COASY: variants seen among roughly 807,000 people sequenced by gnomAD.
COASY encodes Coenzyme A synthase.
Under a neutral mutation model 49.4 loss-of-function variants are expected in COASY, and 31 were observed. The observed-to-expected ratio is 0.63, with a 90% CI of 0.47 to 0.85. The LOEUF (loss-of-function observed/expected upper bound fraction) is 0.85. COASY is among the 40% of genes least tolerant of loss of function. The pLI is 0.00. For synonymous variants in COASY, 285 were observed against 310.9 expected (o/e 0.92, Z 0.88); for missense variants, 730 against 734.1 (o/e 0.99, Z 0.06).
At position 42,562,658 on chromosome 17, in the gene COASY, G is replaced by C; in HGVS notation, c.36G>C (p.Thr12=). The change falls in exon 1 of 9, where the codon ACG becomes ACC. Residue 12 remains threonine, a synonymous_variant. Coordinates refer to ENST00000393818, the MANE Select transcript of COASY (RefSeq NM_025233.7). ...TCCGGTCGGGTCTCCTGGTGCTGACGACGCCGCTGGCCTCCCTAGCCCCTC... is the reference window on the plus strand; with the variant it reads ...TCCGGTCGGGTCTCCTGGTGCTGACCACGCCGCTGGCCTCCCTAGCCCCTC... ...AVFRSGLLVL[T]TPLASLAPRL... is the part of the protein sequence containing the mutation. The C allele has an allele frequency of 6.6e-7, 1 of 1,522,350 alleles. No individual in the cohort carries two copies. The highest frequency in any genetic ancestry group is 1.8e-4 in the Middle Eastern group (1 of 5,678). 94.3% of individuals were successfully genotyped at this position (1,522,350 alleles called of 1,614,324 possible).
chr17:42,562,471 TC>T lies in COASY; in HGVS notation c.-147del, dbSNP rs758442645. ...GCGCCGTCTACCAGGCCCCGTCCCC[TC>T]CCCCGGCTCCTGTCGGTCAGCACTG... On this transcript the variant is annotated 5_prime_UTR_variant, in exon 1 of 9. The change abolishes the stop of an existing upstream ORF in the 5' untranslated region. Transcript: ENST00000393818. 12 of 1,613,260 alleles carry T rather than the reference TC, an allele frequency of 7.4e-6. No homozygotes were observed. The highest frequency in any genetic ancestry group is 1.0e-5 in the Non-Finnish European group (12 of 1,179,646).
chr17:42,564,469 C>T lies in COASY; in HGVS notation c.939C>T (p.Tyr313=). 2 of 1,613,658 alleles carry T rather than the reference C, an allele frequency of 1.2e-6. No homozygotes were observed. The highest frequency in any genetic ancestry group is 1.7e-6 in the Non-Finnish European group (2 of 1,179,746). ...LENDLEELAL[Y]QIQLLKDLRH... is the part of the protein sequence containing the mutation. Reference sequence around the variant, plus strand: ...AGGACCTGGAGGAACTTGCTTTGTACCAGATCCAGCTGCTGAAGGACCTCA... The same window carrying T: ...AGGACCTGGAGGAACTTGCTTTGTATCAGATCCAGCTGCTGAAGGACCTCA... The change falls in exon 3 of 9, where the codon TAC becomes TAT. Residue 313 remains tyrosine, a synonymous_variant. Coordinates refer to ENST00000393818, the MANE Select transcript of COASY (RefSeq NM_025233.7).
At position 42,563,052 on chromosome 17, in the gene COASY, T is replaced by TG. The variant is rs769511957; in HGVS notation, c.431dup (p.Cys144TrpfsTer58). ...TTACGCCACCAGCTGTTACAGCTGT[T>TG]GTCCGCGACTGGCCTCGGTGCTGCT... is the stretch of plus-strand genomic sequence containing the variant. On this transcript the variant is annotated frameshift_variant, in exon 1 of 9. Coordinates refer to ENST00000393818, the MANE Select transcript of COASY (RefSeq NM_025233.7). LOFTEE classifies it high-confidence loss of function. The TG allele has an allele frequency of 6.2e-7, 1 of 1,614,174 alleles. No homozygotes were observed. The highest frequency in any genetic ancestry group is 8.5e-7 in the Non-Finnish European group (1 of 1,180,020).
chr17:42,565,396 G>C (rs887953754), intron 6 of COASY, 75 bp from the exon 7 acceptor site: 1 of 1,606,646 alleles, frequency 6.2e-7, no homozygotes, highest in African/African-American at 1.3e-5. Context: ...ACGTGGGACT[G>C]TCTGTTCACC....
Position 42,563,139 on chromosome 17 carries a change from A to G in COASY, c.517A>G (p.Thr173Ala). 1 of 1,613,776 alleles carries G rather than the reference A, an allele frequency of 6.2e-7. No homozygotes were observed. The highest frequency in any genetic ancestry group is 8.5e-7 in the Non-Finnish European group (1 of 1,179,890). The change falls in exon 1 of 9, where the codon ACG (threonine) becomes GCG (alanine). Residue 173 changes from threonine to alanine, a missense_variant. Thr to Ala is a moderately conservative substitution (Grantham distance 58). Coordinates refer to ENST00000393818, the MANE Select transcript of COASY (RefSeq NM_025233.7). ...VEPLDVPLPS[T>A]IRPASPVAGS... ...GCCCCTGGATGTCCCCTTACCCTCCACGATCAGGCCAGCTTCCCCCGTGGC... is the reference window on the plus strand; with the variant it reads ...GCCCCTGGATGTCCCCTTACCCTCCGCGATCAGGCCAGCTTCCCCCGTGGC...
At position 42,564,161 on chromosome 17, in the gene COASY, T is replaced by A. The variant is rs775245472; in HGVS notation, c.901T>A (p.Phe301Ile). 6.2e-7 allele frequency: 1 copy of A among 1,614,016 alleles called. No homozygotes were observed. Among genetic ancestry groups the A allele is most frequent in the East Asian group, 2.2e-5 (1 of 44,880 alleles). The change falls in exon 2 of 9, where the codon TTC becomes ATC. Residue 301 changes from phenylalanine (F) to isoleucine (I), a missense_variant. Physicochemically the swap from Phe to Ile is conservative, Grantham distance 21. Transcript: ENST00000393818. ...TYRGGMAINRFRLENDLEELA... is the reference protein window; with the variant it reads ...TYRGGMAINRIRLENDLEELA... Reference sequence around the variant, plus strand: ...TCGTGGGGGGATGGCCATCAACCGCTTCCGCCTTGAGAATGTAACCCCTGA... The same window carrying A: ...TCGTGGGGGGATGGCCATCAACCGCATCCGCCTTGAGAATGTAACCCCTGA...
In COASY at chr17:42,564,594, C is replaced by G. The variant is rs1239213097; in HGVS notation, c.1047+17C>G. The G allele has an allele frequency of 6.2e-7, 1 of 1,600,354 alleles. No individual in the cohort carries two copies. Among genetic ancestry groups the G allele is most frequent in the Non-Finnish European group, 8.5e-7 (1 of 1,172,510 alleles). ...CCTCCATATGTAAGCTCCTCTCCCTCCTTCCCTCCTGCTTGGTGTCCTGGC... is the reference window on the plus strand; with the variant it reads ...CCTCCATATGTAAGCTCCTCTCCCTGCTTCCCTCCTGCTTGGTGTCCTGGC... On this transcript the variant is annotated intron_variant, in intron 3 of 8. Transcript: ENST00000393818.
rs377161549 is a variant in COASY, at chr17:42,563,957, C to T, written c.701-4C>T. The T allele has an allele frequency of 6.3e-7, 1 of 1,596,778 alleles. No individual in the cohort carries two copies. The highest frequency in any genetic ancestry group is 8.6e-7 in the Non-Finnish European group (1 of 1,169,074). On this transcript the variant is annotated splice_polypyrimidine_tract_variant and splice_region_variant and intron_variant, in intron 1 of 8. Coordinates refer to ENST00000393818, the MANE Select transcript of COASY (RefSeq NM_025233.7). ...CTCACTGTTCTTCTGGGCTCCTTCC[C>T]CAGGCAAGTTGCTCCCTGAGCTGCT...
At position 42,564,038 on chromosome 17, in the gene COASY, C is replaced by T. The variant is rs756141692; in HGVS notation, c.778C>T (p.Pro260Ser). The T allele has an allele frequency of 1.9e-5, 30 of 1,613,992 alleles. No homozygotes were observed. Among genetic ancestry groups the T allele is most frequent in the Admixed American group, 6.7e-5 (4 of 59,980 alleles). ...GAGTGAATTCCTGGTGGACATCAAG[C>T]CCTCCTTGACTTTTGATGTCATCCC... ...HLSEFLVDIK[P>S]SLTFDVIPLL... Residue 260 changes from proline to serine, a missense_variant, in exon 2 of 9, where the codon CCC becomes TCC. Transcript: ENST00000393818.
rs949597584 is a variant in COASY at position 42,562,597 on chromosome 17, C to T, written c.-26C>T. The T allele has an allele frequency of 6.5e-7, 1 of 1,541,038 alleles. No individual in the cohort carries two copies. The highest frequency in any genetic ancestry group is 8.7e-7 in the Non-Finnish European group (1 of 1,148,090). Reference sequence around the variant, plus strand: ...CCTTCAGTCACCGTCGCCTCGTCTCCCTGACTGTCCGCAGGCCTGGGCAGC... The same window carrying T: ...CCTTCAGTCACCGTCGCCTCGTCTCTCTGACTGTCCGCAGGCCTGGGCAGC... On this transcript the variant is annotated 5_prime_UTR_variant, in exon 1 of 9. Transcript: ENST00000393818.
intron 2 of COASY, 102 bp downstream of exon 2, chr17:42,564,277 G>A (rs751957332): frequency 1.4e-6 from 2 of 1,455,110 alleles, no homozygotes; most frequent in Non-Finnish European, 1.9e-6. Context: ...AGAGAAGTGG[G>A]GGCTCAGGGT....
At position 42,564,066 on chromosome 17, in the gene COASY, T is replaced by TG. The variant is rs1009150787; in HGVS notation, c.807dup (p.Leu270AlafsTer10). 2 of 1,614,050 alleles carry TG rather than the reference T, an allele frequency of 1.2e-6. No individual in the cohort carries two copies. The highest frequency in any genetic ancestry group is 1.7e-6 in the Non-Finnish European group (2 of 1,180,026). ...TCCTTGACTTTTGATGTCATCCCCC[T>TG]GCTGGACCCCTATGGGCCCGCTGGC... On this transcript the variant is annotated frameshift_variant, in exon 2 of 9. Transcript: ENST00000393818. LOFTEE classifies it high-confidence loss of function.
Position 42,564,144 on chromosome 17 carries a change from G to T in COASY, c.884G>T (p.Gly295Val). ...GTCAGCGAGGAGACCTATCGTGGGG[G>T]GATGGCCATCAACCGCTTCCGCCTT... Reference protein sequence around the residue: ...LVVSEETYRGGMAINRFRLEN... With the variant: ...LVVSEETYRGVMAINRFRLEN... The change falls in exon 2 of 9, where the codon GGG (glycine) becomes GTG (valine). Residue 295 changes from glycine to valine, a missense_variant. Gly to Val is a moderately radical substitution (Grantham distance 109). Coordinates refer to ENST00000393818, the MANE Select transcript of COASY (RefSeq NM_025233.7). 1 of 1,614,114 alleles carries T rather than the reference G, an allele frequency of 6.2e-7. No homozygotes were observed. Among genetic ancestry groups the T allele is most frequent in the South Asian group, 1.1e-5 (1 of 91,082 alleles).
Position 42,564,479 on chromosome 17 carries a change from C to G in COASY, c.949C>G (p.Leu317Val). The stretch of plus-strand genomic sequence containing the variant: ...GGAACTTGCTTTGTACCAGATCCAG[C>G]TGCTGAAGGACCTCAGACATACAGA... Reference protein sequence around the residue: ...LEELALYQIQLLKDLRHTENE... With the variant: ...LEELALYQIQVLKDLRHTENE... The change falls in exon 3 of 9, where the codon CTG (leucine) becomes GTG (valine). Residue 317 changes from leucine to valine, a missense_variant. Physicochemically the swap from Leu to Val is conservative, Grantham distance 32. Coordinates refer to ENST00000393818, the MANE Select transcript of COASY (RefSeq NM_025233.7). 6.2e-7 allele frequency: 1 copy of G among 1,613,574 alleles called. No homozygotes were observed. The highest frequency in any genetic ancestry group is 8.5e-7 in the Non-Finnish European group (1 of 1,179,692).
chr17:42,564,019 A>G lies in COASY; in HGVS notation c.759A>G (p.Glu253=), dbSNP rs756932678. ...CAGAACGTGTGGAACATCTGAGTGA[A>G]TTCCTGGTGGACATCAAGCCCTCCT... is the stretch of plus-strand genomic sequence containing the variant. The part of the protein sequence containing the change: ...PYTERVEHLS[E]FLVDIKPSLT... The change falls in exon 2 of 9, where the codon GAA becomes GAG. Residue 253 remains glutamate (E), a synonymous_variant. Transcript: ENST00000393818. The G allele has an allele frequency of 6.2e-6, 10 of 1,613,960 alleles. No individual in the cohort carries two copies. In the East Asian group the frequency reaches 1.8e-4, roughly 29 times the overall value.
rs1246202973 is a variant in COASY, at chr17:42,564,026, G to A, written c.766G>A (p.Val256Met). ...TGTGGAACATCTGAGTGAATTCCTG[G>A]TGGACATCAAGCCCTCCTTGACTTT... The part of the protein sequence containing the change: ...ERVEHLSEFL[V>M]DIKPSLTFDV... Residue 256 changes from valine to methionine, a missense_variant, in exon 2 of 9, where the codon GTG becomes ATG. Transcript: ENST00000393818. The A allele has an allele frequency of 1.2e-6, 2 of 1,614,046 alleles. No homozygotes were observed. The highest frequency in any genetic ancestry group is 1.7e-6 in the Non-Finnish European group (2 of 1,179,998).
chr17:42,563,428 C>T, intron 1 of COASY, 106 bp downstream of exon 1: 1 of 1,101,588 alleles, frequency 9.1e-7, no homozygotes, highest in Admixed American at 2.8e-5. Flanking sequence ...TACTTCCCAC[C>T]CTTCCCAAAT....
chr17:42,564,960 A>T (rs766260913), intron 4 of COASY, 23 bp from the exon 5 acceptor site: 1 of 1,614,156 alleles, frequency 6.2e-7, no homozygotes. Context: ...CTCTGTGCTC[A>T]GTTGTCTGTC....
In COASY at chr17:42,565,656, C is replaced by G. The variant is rs577714887; in HGVS notation, c.1486-3C>G. On this transcript the variant is annotated splice_polypyrimidine_tract_variant and splice_region_variant and intron_variant, in intron 7 of 8. Transcript: ENST00000393818. ...TCCTGACAAATGTCTCGTCTGTGCT[C>G]AGGCTGTAAGACGCATTGTGGAGAG... 72 of 1,614,164 alleles carry G rather than the reference C, an allele frequency of 4.5e-5. No individual in the cohort carries two copies. In the South Asian group the frequency reaches 6.1e-4, roughly 14 times the overall value.
Sources: gnomAD v4.1 joint callset for allele counts on GRCh38, gnomAD v4.1.1 for gene constraint, MANE v1.5 for transcripts, NCBI Gene and HGNC (gene_info 2026-07-23, HGNC 2026-07-21) for gene names.